RAB28: variants seen among roughly 807,000 people sequenced by gnomAD.
The protein encoded by RAB28 is RAB28, member RAS oncogene family.
RAB28 carries 24 observed loss-of-function variants against 31.7 expected under a neutral mutation model. The ratio of observed to expected loss-of-function variants is 0.76; its 90% confidence interval spans 0.55 to 1.06. The LOEUF (loss-of-function observed/expected upper bound fraction) is 1.06, where lower values mean the gene tolerates loss of function less well. Ranked by LOEUF, RAB28 falls within the 50% of genes least tolerant of loss-of-function variation. The pLI, the probability that RAB28 is intolerant of heterozygous loss-of-function variation, is 0.00. For missense variants in RAB28, 254 were observed against 258.5 expected, an observed-to-expected ratio of 0.98 and a Z score of 0.12; for synonymous variants, 100 against 90.4, an observed-to-expected ratio of 1.11 and a Z score of -0.60.
chr4:13,395,663 T>C (rs893621043), intron 4 of RAB28, among the ~76,000 whole-genome samples: 2 of 152,100 alleles, frequency 1.3e-5, no homozygotes, highest in Non-Finnish European at 2.9e-5. Flanking sequence ...AGATACAGTA[T>C]TAAATGTAAT....
At chr4:13,435,763 G>A (rs1243882043) in intron 4 of RAB28, among the ~76,000 whole-genome samples, 1 of 152,156 alleles carries the variant, frequency 6.6e-6, no homozygotes, top group East Asian at 1.9e-4. Flanking sequence ...CCGCGGACCA[G>A]ATGCATTTCA....
chr4:13,398,806 T>A (rs539004402), intron 4 of RAB28, among the ~76,000 whole-genome samples: 1 of 151,196 alleles, frequency 6.6e-6, no homozygotes, highest in South Asian at 2.1e-4. Flanking sequence ...ATTGCCTCAA[T>A]TAGGCAATTA....
rs143396956 is a variant in RAB28 at position 13,474,144 on chromosome 4, A to G, written c.261+174T>C. 3.5e-4 allele frequency: 259 copies of G among 737,308 alleles called. No individual in the cohort carries two copies. The African/African-American group carries it at 3.7e-3, about 10-fold the overall frequency. The allele number at this position is 737,308 out of a possible 1,614,324, so 45.7% of individuals were successfully genotyped here. On this transcript the variant is annotated intron_variant, in intron 3 of 6. Transcript: ENST00000330852. ...TTCCCTCACCCAAATCACTCCAAAC[A>G]TAATTAGGAGAGCATGAAACCAAAG...
At position 13,421,281 on chromosome 4, in the gene RAB28, C is replaced by A. The variant is rs561949935; in HGVS notation, c.391+39418G>T. Among the ~76,000 whole-genome samples, 15 of 152,282 alleles carry A rather than the reference C, an allele frequency of 9.9e-5. No homozygotes were observed. In the South Asian group the frequency reaches 2.9e-3, roughly 30 times the overall value. On this transcript the variant is annotated intron_variant, in intron 4 of 6. Transcript: ENST00000330852. ...GAACACAAACAAATGGAAGAACAAT[C>A]CATGCTCATGAATAGGAAGAATCAG... is the stretch of plus-strand genomic sequence containing the variant.
chr4:13,409,797 T>C (rs141884290), intron 4 of RAB28, among the ~76,000 whole-genome samples: 19 of 152,278 alleles, frequency 1.2e-4, no homozygotes, highest in African/African-American at 4.1e-4. Flanking sequence ...TGGAAACATA[T>C]TTCCACTTTA....
At chr4:13,446,657 G>T (rs1304849091) in intron 4 of RAB28, among the ~76,000 whole-genome samples, 1 of 152,124 alleles carries the variant, frequency 6.6e-6, no homozygotes, top group Non-Finnish European at 1.5e-5. Flanking sequence ...TCCTGCTTCT[G>T]CTCGCTCTCC....
intron 6 of RAB28, among the ~76,000 whole-genome samples, chr4:13,372,782 T>A (rs927029820): frequency 6.6e-6 from 1 of 152,010 alleles, no homozygotes; most frequent in African/African-American, 2.4e-5. Flanking sequence ...CAGAAAGGAT[T>A]CTTAATACCA....
intron 4 of RAB28, among the ~76,000 whole-genome samples, chr4:13,423,876 GAGTTCTATC>G (rs1713325358): frequency 1.3e-5 from 2 of 152,082 alleles, no homozygotes; most frequent in African/African-American, 4.8e-5. Context: ...GAGGGAAGGG[GAGTTCTATC>G]AGTTCTAAGT....
chr4:13,391,007 T>C (rs1369748480), intron 4 of RAB28, among the ~76,000 whole-genome samples: 4 of 152,220 alleles, frequency 2.6e-5, no homozygotes, highest in African/African-American at 9.6e-5. Flanking sequence ...AAGGACTTCA[T>C]GTCTAAAACA....
At chr4:13,429,069 C>A (rs574718960) in intron 4 of RAB28, among the ~76,000 whole-genome samples, 1 of 151,868 alleles carries the variant, frequency 6.6e-6, no homozygotes, top group African/African-American at 2.4e-5. Context: ...CTCAGCCTCC[C>A]GAGTAGCTGG....
intron 4 of RAB28, among the ~76,000 whole-genome samples, chr4:13,446,371 G>C (rs996602520): frequency 6.6e-6 from 1 of 152,190 alleles, no homozygotes; most frequent in Non-Finnish European, 1.5e-5. Flanking sequence ...TTCCAGGGGA[G>C]TGGACAGTTT....
chr4:13,390,232 C>CA (rs1293597173), intron 4 of RAB28, among the ~76,000 whole-genome samples: 1 of 152,120 alleles, frequency 6.6e-6, no homozygotes, highest in Non-Finnish European at 1.5e-5. Context: ...AATCAATGTA[C>CA]AAAAATCACA....
At chr4:13,467,482 T>C (rs1043771167) in intron 3 of RAB28, among the ~76,000 whole-genome samples, 5 of 151,776 alleles carry the variant, frequency 3.3e-5, no homozygotes, top group Non-Finnish European at 5.9e-5. Flanking sequence ...TTATAGCATA[T>C]AGATAAGTGA....
chr4:13,477,815 A>AT (rs1353503053), intron 2 of RAB28, among the ~76,000 whole-genome samples: 1 of 151,540 alleles, frequency 6.6e-6, no homozygotes, highest in Non-Finnish European at 1.5e-5. Context: ...AATATCAAAT[A>AT]TTTTTTACAA....
intron 4 of RAB28, among the ~76,000 whole-genome samples, chr4:13,382,138 C>T (rs1210656185): frequency 1.3e-5 from 2 of 152,192 alleles, no homozygotes; most frequent in Non-Finnish European, 2.9e-5. Flanking sequence ...TTTAATTTCA[C>T]AAAGACATAG....
rs1173317498 is a variant in RAB28 at position 13,368,411 on chromosome 4, G to A, written c.*147C>T. 2.4e-6 allele frequency: 3 copies of A among 1,274,518 alleles called. No individual in the cohort carries two copies. Among genetic ancestry groups the A allele is most frequent in the Admixed American group, 8.2e-5 (2 of 24,456 alleles). 79.0% of individuals were successfully genotyped at this position (1,274,518 alleles called of 1,614,324 possible). ...AATCCAAGGAGCTGCCTGCCACTGT[G>A]AGGCAATAGCAATGATGAAGCAAGT... On this transcript the variant is annotated 3_prime_UTR_variant, in exon 7 of 7. Coordinates refer to ENST00000330852, the MANE Select transcript of RAB28 (RefSeq NM_001017979.3).
chr4:13,454,269 T>C lies in RAB28; in HGVS notation c.391+6430A>G, dbSNP rs142826248. Among the ~76,000 whole-genome samples, 39 of 152,144 alleles carry C rather than the reference T, an allele frequency of 2.6e-4. No individual in the cohort carries two copies. The East Asian group carries it at 7.1e-3, about 28-fold the overall frequency. On this transcript the variant is annotated intron_variant, in intron 4 of 6. Transcript: ENST00000330852. ...TCCTGATTTTGTTGAATTTTCTACC[T>C]ATATTCTCTTGTATCTCACTGACTT...
chr4:13,372,344 T>C (rs986369393), intron 6 of RAB28, among the ~76,000 whole-genome samples: 1 of 152,064 alleles, frequency 6.6e-6, no homozygotes, highest in Admixed American at 6.6e-5. Flanking sequence ...GTGGGAGTTT[T>C]TTAAAAGCTA....
At chr4:13,434,366 T>A (rs1713976721) in intron 4 of RAB28, among the ~76,000 whole-genome samples, 1 of 152,154 alleles carries the variant, frequency 6.6e-6, no homozygotes, top group African/African-American at 2.4e-5. Flanking sequence ...AGGGTTCAAT[T>A]TGACAAGATT....
Sources: allele counts gnomAD v4.1 joint callset (sites outside exome capture counted in the v4.1 genomes callset), GRCh38; gene constraint gnomAD v4.1.1; transcripts MANE v1.5; gene names NCBI Gene and HGNC (gene_info 2026-07-23, HGNC 2026-07-21).